Variants in EFHC2 observed in about 807,000 individuals in gnomAD.
The protein encoded by EFHC2 is EF-hand domain containing 2.
EFHC2 carries 18 observed loss-of-function variants against 52.7 expected under a neutral mutation model. The observed-to-expected ratio is 0.34, with a 90% CI of 0.24 to 0.51. The LOEUF (loss-of-function observed/expected upper bound fraction) is 0.51, where lower values mean the gene tolerates loss of function less well. Ranked by LOEUF, EFHC2 falls within the 20% of genes least tolerant of loss-of-function variation. The probability of loss-of-function intolerance (pLI) is 0.97; values close to 1 mark genes in which losing one functional copy is unlikely to be tolerated. For synonymous variants in EFHC2, 203 were observed against 204.1 expected (o/e 0.99, Z 0.04); for missense variants, 513 against 562.5 (o/e 0.91, Z 0.89).
chrX:44,184,723 CAA>C (rs34983921), intron 11 of EFHC2, among the ~76,000 whole-genome samples: 7,704 of 46,080 alleles, frequency 0.17, 445 homozygotes, highest in Admixed American at 0.25. Flanking sequence ...AATTCCATCT[CAA>C]AAAAAAAAAA....
In EFHC2 at chrX:44,248,270, A is replaced by G; in HGVS notation, c.1111+2T>C. The G allele has an allele frequency of 8.7e-7, 1 of 1,143,292 alleles. No individual in the cohort carries two copies. The highest frequency in any genetic ancestry group is 1.2e-6 in the Non-Finnish European group (1 of 854,888). 94.2% of individuals were successfully genotyped at this position (1,143,292 alleles called of 1,213,427 possible). ...TTTTTAATTGACATATGTATCACTTACCAATTCCATATTTAGACTTATAAT... is the reference window on the plus strand; with the variant it reads ...TTTTTAATTGACATATGTATCACTTGCCAATTCCATATTTAGACTTATAAT... On this transcript the variant is annotated splice_donor_variant, in intron 7 of 14. Coordinates refer to ENST00000420999, the MANE Select transcript of EFHC2 (RefSeq NM_025184.4). LOFTEE classifies it high-confidence loss of function.
At chrX:44,206,896 A>G (rs1181063) in intron 11 of EFHC2, among the ~76,000 whole-genome samples, 3 of 110,574 alleles carry the variant, frequency 2.7e-5, no homozygotes, top group Non-Finnish European at 5.7e-5. Flanking sequence ...AGAGCCTCAA[A>G]AGCCAAAGTA....
At chrX:44,317,977 A>C (rs1377831094) in intron 1 of EFHC2, among the ~76,000 whole-genome samples, 1 of 112,537 alleles carries the variant, frequency 8.9e-6, no homozygotes, top group Non-Finnish European at 1.9e-5. Flanking sequence ...GTTTCTCATT[A>C]AGTTAAACAT....
chrX:44,340,982 T>A (rs1302614731), intron 1 of EFHC2, among the ~76,000 whole-genome samples: 2 of 111,817 alleles, frequency 1.8e-5, no homozygotes, highest in Non-Finnish European at 3.8e-5. Context: ...AAACTATTCT[T>A]AACAACCCCA....
chrX:44,183,204 G>T (rs1048055959), intron 11 of EFHC2, among the ~76,000 whole-genome samples: 1 of 112,023 alleles, frequency 8.9e-6, no homozygotes, highest in East Asian at 2.8e-4. Context: ...ACAAAATCTA[G>T]TTGAGCCTAA....
intron 11 of EFHC2, among the ~76,000 whole-genome samples, chrX:44,212,865 C>A (rs2037110942): frequency 9.1e-6 from 1 of 109,571 alleles, no homozygotes; most frequent in South Asian, 4.0e-4. Flanking sequence ...GCATGAGCCA[C>A]CATGCCAGGC....
At chrX:44,151,858 T>C (rs1432627634) in intron 14 of EFHC2, among the ~76,000 whole-genome samples, 1 of 111,585 alleles carries the variant, frequency 9.0e-6, no homozygotes, top group Non-Finnish European at 1.9e-5. Flanking sequence ...CTTTCAGGTG[T>C]CCATGGGACA....
At chrX:44,328,865 TG>T (rs1201014872) in intron 1 of EFHC2, among the ~76,000 whole-genome samples, 4 of 111,437 alleles carry the variant, frequency 3.6e-5, no homozygotes, top group Non-Finnish European at 7.5e-5. Context: ...AAGTAACCAA[TG>T]GGAAGCCTCT....
intron 1 of EFHC2, among the ~76,000 whole-genome samples, chrX:44,323,297 C>G (rs994359376): frequency 8.9e-5 from 10 of 112,304 alleles, no homozygotes; most frequent in African/African-American, 3.2e-4. Flanking sequence ...GTCAATAGTT[C>G]TTCAACTTAA....
At chrX:44,232,925 G>A (rs1423833341) in intron 9 of EFHC2, among the ~76,000 whole-genome samples, 3 of 111,418 alleles carry the variant, frequency 2.7e-5, no homozygotes, top group African/African-American at 6.5e-5. Flanking sequence ...TCCCAGCAAC[G>A]CAAGAGGCTG....
intron 1 of EFHC2, among the ~76,000 whole-genome samples, chrX:44,315,325 G>A (rs1456749622): frequency 9.1e-6 from 1 of 109,650 alleles, no homozygotes; most frequent in African/African-American, 3.3e-5. Flanking sequence ...AAATTACCCA[G>A]CCTCACGTAT....
chrX:44,177,104 C>G (rs895361773), intron 12 of EFHC2, among the ~76,000 whole-genome samples: 1 of 111,632 alleles, frequency 9.0e-6, no homozygotes, highest in African/African-American at 3.3e-5. Context: ...GGTCAAGCAG[C>G]CCCATTGTTC....
chrX:44,298,110 G>A (rs1039494342), intron 2 of EFHC2, among the ~76,000 whole-genome samples: 1 of 111,112 alleles, frequency 9.0e-6, no homozygotes, highest in African/African-American at 3.3e-5. Context: ...TTTGAATAAT[G>A]TGGTGTTATT....
At chrX:44,195,035 G>A (rs1194125476) in intron 11 of EFHC2, among the ~76,000 whole-genome samples, 2 of 111,964 alleles carry the variant, frequency 1.8e-5, no homozygotes, top group African/African-American at 6.5e-5. Flanking sequence ...CCCTCTGTGG[G>A]ATACTGCATC....
chrX:44,213,908 T>C (rs764219910), intron 11 of EFHC2, among the ~76,000 whole-genome samples: 117 of 112,129 alleles, frequency 1.0e-3, no homozygotes, highest in African/African-American at 3.7e-3. Context: ...TGGGGGGCTT[T>C]GAATTTTATT....
At chrX:44,293,836 C>T (rs2037809354) in intron 2 of EFHC2, among the ~76,000 whole-genome samples, 1 of 111,876 alleles carries the variant, frequency 8.9e-6, no homozygotes. Flanking sequence ...TATGGATACA[C>T]ATAAATCCTT....
chrX:44,343,571 C>A lies in EFHC2; in HGVS notation c.18G>T (p.Leu6=). The change falls in exon 1 of 15, where the codon CTG becomes CTT. Residue 6 remains leucine, a synonymous_variant. Transcript: ENST00000420999. MALPL[L]PGNSFNRNVG... is the part of the protein sequence containing the mutation. ...CGTTGCGGTTGAAGCTGTTGCCCGG[C>A]AGCAGAGGCAGGGCCATGGCGCTCA... 8.4e-7 allele frequency: 1 copy of A among 1,197,361 alleles called. No homozygotes were observed. Among genetic ancestry groups the A allele is most frequent in the South Asian group, 1.8e-5 (1 of 54,566 alleles).
chrX:44,328,754 G>C (rs1256757494), intron 1 of EFHC2, among the ~76,000 whole-genome samples: 1 of 111,276 alleles, frequency 9.0e-6, no homozygotes, highest in Non-Finnish European at 1.9e-5. Flanking sequence ...CTTGCATAGG[G>C]TGTAACCTTT....
intron 7 of EFHC2, among the ~76,000 whole-genome samples, chrX:44,245,491 CAACAG>C (rs1192425140): frequency 8.9e-6 from 1 of 112,091 alleles, no homozygotes; most frequent in Non-Finnish European, 1.9e-5. Flanking sequence ...TAGGAAAGAT[CAACAG>C]ACCTCCATCT....
Sources: allele counts gnomAD v4.1 joint callset (sites outside exome capture counted in the v4.1 genomes callset), GRCh38; gene constraint gnomAD v4.1.1; transcripts MANE v1.5; gene names NCBI Gene and HGNC (gene_info 2026-07-23, HGNC 2026-07-21).